SEMA3A: variants seen among roughly 807,000 people sequenced by gnomAD.
SEMA3A encodes the protein semaphorin-3A.
A neutral mutation model predicts 97.9 loss-of-function variants in SEMA3A; 29 were observed. The ratio of observed to expected loss-of-function variants is 0.30; its 90% CI spans 0.22 to 0.40. The LOEUF (loss-of-function observed/expected upper bound fraction) is 0.40. SEMA3A is among the 10% of genes least tolerant of loss of function. The pLI is 1.00. For missense variants in SEMA3A, 763 were observed against 951.3 expected (o/e 0.80, Z 2.60); for synonymous variants, 321 against 323.7 (o/e 0.99, Z 0.09).
intron 3 of SEMA3A, among the ~76,000 whole-genome samples, chr7:84,252,179 A>T (rs1799625165): frequency 6.6e-6 from 1 of 152,116 alleles, no homozygotes; most frequent in South Asian, 2.1e-4. Flanking sequence ...CCCTGCAGAG[A>T]CTTTGGTAAG....
At chr7:84,208,239 T>C (rs1798540696) in intron 3 of SEMA3A, among the ~76,000 whole-genome samples, 1 of 151,974 alleles carries the variant, frequency 6.6e-6, no homozygotes, top group South Asian at 2.1e-4. Context: ...GATCGTGAGG[T>C]CAGGAGATCG....
chr7:84,138,294 A>G (rs183019457), intron 1 of SEMA3A, among the ~76,000 whole-genome samples: 1 of 152,086 alleles, frequency 6.6e-6, no homozygotes, highest in East Asian at 1.9e-4. Context: ...GGTGGAGGGA[A>G]AATAAGAATA....
chr7:84,272,991 A>G (rs1021882009), intron 3 of SEMA3A, among the ~76,000 whole-genome samples: 1 of 152,148 alleles, frequency 6.6e-6, no homozygotes, highest in African/African-American at 2.4e-5. Context: ...CTTGCTTAAA[A>G]TAAATATAGA....
intron 1 of SEMA3A, among the ~76,000 whole-genome samples, chr7:84,474,293 A>G (rs930827550): frequency 6.6e-6 from 1 of 152,208 alleles, no homozygotes; most frequent in Non-Finnish European, 1.5e-5. Context: ...CTTCTTGTGT[A>G]GTGAAGACAG....
chr7:84,306,167 A>G (rs965375638), intron 3 of SEMA3A, among the ~76,000 whole-genome samples: 1 of 151,848 alleles, frequency 6.6e-6, no homozygotes, highest in Admixed American at 6.6e-5. Flanking sequence ...ATGATGTGAT[A>G]AATTTTTTTT....
chr7:84,153,472 T>C (rs1796742291), intron 1 of SEMA3A, among the ~76,000 whole-genome samples: 1 of 152,130 alleles, frequency 6.6e-6, no homozygotes, highest in African/African-American at 2.4e-5. Context: ...GATCATGTGA[T>C]GGCAAGTAAA....
At chr7:84,238,140 C>A (rs1234698212) in intron 3 of SEMA3A, among the ~76,000 whole-genome samples, 1 of 151,934 alleles carries the variant, frequency 6.6e-6, no homozygotes, top group Non-Finnish European at 1.5e-5. Context: ...GATCTTGGCT[C>A]ACAGCAACCT....
intron 3 of SEMA3A, among the ~76,000 whole-genome samples, chr7:84,113,767 T>A (rs1158202613): frequency 6.6e-6 from 1 of 152,120 alleles, no homozygotes; most frequent in Non-Finnish European, 1.5e-5. Context: ...TACTGAAATG[T>A]TCCCCAGAGC....
In SEMA3A at chr7:83,961,231, T is replaced by C; in HGVS notation, c.*140A>G. 1.4e-6 allele frequency: 1 copy of C among 701,746 alleles called. No individual in the cohort carries two copies. Among genetic ancestry groups the C allele is most frequent in the Non-Finnish European group, 2.5e-6 (1 of 406,440 alleles). The allele number at this position is 701,746 out of a possible 1,614,324, so 43.5% of individuals were successfully genotyped here. On this transcript the variant is annotated 3_prime_UTR_variant, in exon 17 of 17. Coordinates refer to ENST00000265362, the MANE Select transcript of SEMA3A (RefSeq NM_006080.3). ...GTTACTCATGGATTTAATTTATAATTGGTGGAACTCAGCTGAATTTCCCAC... is the reference window on the plus strand; with the variant it reads ...GTTACTCATGGATTTAATTTATAATCGGTGGAACTCAGCTGAATTTCCCAC...
chr7:84,084,407 G>C (rs374628853), intron 4 of SEMA3A, among the ~76,000 whole-genome samples: 1 of 151,678 alleles, frequency 6.6e-6, no homozygotes, highest in African/African-American at 2.4e-5. Flanking sequence ...TTACACAGTA[G>C]GAAAAATATG....
In SEMA3A at chr7:84,133,573, A is replaced by G. The variant is rs183924629; in HGVS notation, c.270+1221T>C. The stretch of plus-strand genomic sequence containing the variant: ...TACAAATAGAAACAGACAGGGATGT[A>G]TTCCAAAATGAAATTCTACTATTAC... On this transcript the variant is annotated intron_variant, in intron 2 of 16. Transcript: ENST00000265362. Among the ~76,000 whole-genome samples the G allele has an allele frequency of 2.7e-4, 41 of 152,264 alleles. No homozygotes were observed. In the East Asian group the frequency reaches 7.9e-3, roughly 29 times the overall value.
intron 1 of SEMA3A, among the ~76,000 whole-genome samples, chr7:84,427,239 A>C (rs535903172): frequency 5.4e-4 from 82 of 152,236 alleles, no homozygotes; most frequent in Non-Finnish European, 9.9e-4. Flanking sequence ...GAAGGGAGAT[A>C]TCTATGAATT....
At chr7:83,998,531 C>G (rs10280701) in intron 12 of SEMA3A, among the ~76,000 whole-genome samples, 2 of 152,078 alleles carry the variant, frequency 1.3e-5, no homozygotes, top group East Asian at 1.9e-4. Context: ...TTGCTATACA[C>G]TACTGCAGAC....
intron 3 of SEMA3A, among the ~76,000 whole-genome samples, chr7:84,212,309 A>G (rs1315375782): frequency 1.3e-5 from 2 of 152,252 alleles, no homozygotes; most frequent in Non-Finnish European, 2.9e-5. Flanking sequence ...TACTCTAAAA[A>G]CAAAAACTAT....
intron 1 of SEMA3A, among the ~76,000 whole-genome samples, chr7:84,187,953 A>G (rs1797933997): frequency 6.6e-6 from 1 of 152,122 alleles, no homozygotes; most frequent in African/African-American, 2.4e-5. Context: ...GACATATTCA[A>G]TAGAATGAAA....
At chr7:84,432,125 G>T (rs1804996329) in intron 1 of SEMA3A, among the ~76,000 whole-genome samples, 2 of 151,896 alleles carry the variant, frequency 1.3e-5, no homozygotes, top group African/African-American at 4.8e-5. Context: ...AATAATAATA[G>T]ATAAGAAAAA....
chr7:84,166,780 C>CAGGAGAA (rs1797223326), intron 1 of SEMA3A, among the ~76,000 whole-genome samples: 1 of 148,544 alleles, frequency 6.7e-6, no homozygotes, highest in African/African-American at 2.5e-5. Context: ...GAGGCTGAGG[C>CAGGAGAA]AGGAGAATCG....
At chr7:83,999,422 T>C (rs552637251) in intron 12 of SEMA3A, among the ~76,000 whole-genome samples, 2 of 143,740 alleles carry the variant, frequency 1.4e-5, no homozygotes, top group Admixed American at 7.0e-5. Flanking sequence ...CTAATTCATA[T>C]CAGAAAATAA....
intron 1 of SEMA3A, among the ~76,000 whole-genome samples, chr7:84,167,625 T>C (rs536209791): frequency 6.6e-6 from 1 of 152,164 alleles, no homozygotes; most frequent in South Asian, 2.1e-4. Flanking sequence ...TGGGGTAGAG[T>C]GCAGAAGAAT....
Sources: gnomAD v4.1 joint callset for allele counts (sites outside exome capture counted in the v4.1 genomes callset) on GRCh38, gnomAD v4.1.1 for gene constraint, MANE v1.5 for transcripts, NCBI Gene and HGNC (gene_info 2026-07-23, HGNC 2026-07-21) for gene names.